The following ABAT variants were observed in gnomAD, a reference collection of about 807,000 sequenced individuals.
ABAT encodes 4-aminobutyrate aminotransferase, also known as 4-aminobutyrate aminotransferase, mitochondrial.
In ABAT, 45 loss-of-function variants were observed where a neutral mutation model predicts 64.6. That is an observed-to-expected ratio of 0.70 (90% CI 0.55 to 0.89). The LOEUF (loss-of-function observed/expected upper bound fraction) is 0.89, where lower values mean the gene tolerates loss of function less well. Among genes scored for constraint, ABAT ranks in the 40% least tolerant of loss-of-function variants. ABAT has a pLI of 0.00. For synonymous variants in ABAT, 297 were observed against 250.5 expected (o/e 1.19, Z -1.75); for missense variants, 633 against 658.4 (o/e 0.96, Z 0.42).
intron 2 of ABAT, among the ~76,000 whole-genome samples, chr16:8,744,653 C>A (rs1396893386): frequency 6.6e-6 from 1 of 152,200 alleles, no homozygotes. Context: ...TAGGTATGAG[C>A]CACGGTGCCC....
chr16:8,706,529 C>A (rs1385864729), intron 1 of ABAT, among the ~76,000 whole-genome samples: 2 of 151,650 alleles, frequency 1.3e-5, no homozygotes, highest in African/African-American at 4.8e-5. Context: ...GCCTGGCCAA[C>A]ATGGTGAAAC....
At chr16:8,699,183 G>A (rs2057766123) in intron 1 of ABAT, among the ~76,000 whole-genome samples, 1 of 152,186 alleles carries the variant, frequency 6.6e-6, no homozygotes, top group African/African-American at 2.4e-5. Flanking sequence ...GGAAGAGATA[G>A]ATGCCACCTC....
chr16:8,717,639 C>T (rs970309329), intron 1 of ABAT, among the ~76,000 whole-genome samples: 8 of 152,162 alleles, frequency 5.3e-5, no homozygotes, highest in Non-Finnish European at 1.2e-4. Context: ...TCAGGCACCT[C>T]TTTCTGTTCC....
chr16:8,700,983 G>C (rs75461974), intron 1 of ABAT, among the ~76,000 whole-genome samples: 4,819 of 150,762 alleles, frequency 0.032, 125 homozygotes, highest in East Asian at 0.11. Flanking sequence ...TGTCACTCAG[G>C]CTGCAGTGCA....
At chr16:8,719,951 A>G (rs2058320998) in intron 1 of ABAT, among the ~76,000 whole-genome samples, 5 of 152,162 alleles carry the variant, frequency 3.3e-5, no homozygotes, top group Admixed American at 6.5e-5. Context: ...AGCTGGAACT[A>G]CAGGCACCTG....
chr16:8,757,262 T>G (rs2142842925), intron 5 of ABAT: 1 of 425,822 alleles, frequency 2.3e-6, no homozygotes, highest in Non-Finnish European at 4.6e-6. Flanking sequence ...CCGCCTCTTG[T>G]GTTCAAGAGA....
intron 2 of ABAT, among the ~76,000 whole-genome samples, chr16:8,743,423 T>TTATATATATATATATATATA (rs1182574273): frequency 0.057 from 2,518 of 44,546 alleles, 88 homozygotes; most frequent in East Asian, 0.11. Flanking sequence ...ATGGAAACAG[T>TTATATATATATATATATATA]TATATATATA....
chr16:8,746,525 C>T (rs1202603400), intron 3 of ABAT, among the ~76,000 whole-genome samples: 1 of 151,708 alleles, frequency 6.6e-6, no homozygotes, highest in Non-Finnish European at 1.5e-5. Flanking sequence ...GGATTTTAGG[C>T]ACGCACCACC....
chr16:8,701,052 C>T (rs2057811329), intron 1 of ABAT, among the ~76,000 whole-genome samples: 1 of 152,124 alleles, frequency 6.6e-6, no homozygotes, highest in Non-Finnish European at 1.5e-5. Context: ...ATTATCTTGC[C>T]TCAGCCTCCC....
chr16:8,753,268 T>C (rs1281355281), intron 5 of ABAT, among the ~76,000 whole-genome samples: 1 of 152,066 alleles, frequency 6.6e-6, no homozygotes, highest in African/African-American at 2.4e-5. Flanking sequence ...TACTTTTTTT[T>C]GTATTTTTAG....
Position 8,774,758 on chromosome 16 carries a change from GC to G in ABAT, c.955-131del, listed in dbSNP as rs1220547596. Reference sequence around the variant, plus strand: ...TTTGTGCACAGCTCAAGAACATGGGGCTGGTTTGCTCTTCAGAAAACAAGCA... The same window carrying G: ...TTTGTGCACAGCTCAAGAACATGGGGTGGTTTGCTCTTCAGAAAACAAGCA... On this transcript the variant is annotated intron_variant, in intron 12 of 15. Transcript: ENST00000268251. 22 of 1,042,880 alleles carry G rather than the reference GC, an allele frequency of 2.1e-5. No homozygotes were observed. The African/African-American group carries it at 2.8e-4, about 13-fold the overall frequency. The allele number at this position is 1,042,880 out of a possible 1,614,324, so 64.6% of individuals were successfully genotyped here.
chr16:8,778,318 C>A (rs2060326314), intron 14 of ABAT, among the ~76,000 whole-genome samples: 1 of 152,150 alleles, frequency 6.6e-6, no homozygotes, highest in African/African-American at 2.4e-5. Flanking sequence ...CTTCTCGAGG[C>A]TCTGGGGGAG....
chr16:8,780,069 C>T (rs1442996999), intron 15 of ABAT, among the ~76,000 whole-genome samples: 1 of 152,050 alleles, frequency 6.6e-6, no homozygotes, highest in Non-Finnish European at 1.5e-5. Context: ...CAGGGATTGG[C>T]TGGGTGAAGA....
At chr16:8,678,501 T>A (rs1031113082) in intron 1 of ABAT, among the ~76,000 whole-genome samples, 1 of 152,232 alleles carries the variant, frequency 6.6e-6, no homozygotes, top group Admixed American at 6.5e-5. Context: ...TCTAAGACCA[T>A]CACCCGCTTC....
chr16:8,715,586 T>C (rs896967310), intron 1 of ABAT: 1 of 137,576 alleles, frequency 7.3e-6, no homozygotes, highest in African/African-American at 2.8e-5. Flanking sequence ...TGAGCCATGA[T>C]CATGCCACTG....
chr16:8,771,464 C>CTTTTTTTTTTTTTTT (rs1207440161), intron 11 of ABAT, among the ~76,000 whole-genome samples: 1 of 108,456 alleles, frequency 9.2e-6, no homozygotes, highest in Admixed American at 1.2e-4. Context: ...TAGGGTTTTT[C>CTTTTTTTTTTTTTTT]TTTCTTTTTT....
intron 3 of ABAT, among the ~76,000 whole-genome samples, chr16:8,747,219 A>T (rs538075383): frequency 6.6e-6 from 1 of 152,294 alleles, no homozygotes; most frequent in South Asian, 2.1e-4. Context: ...GAACATGGCA[A>T]TGTTACATGG....
At chr16:8,738,860 G>C (rs1056521981) in intron 2 of ABAT, among the ~76,000 whole-genome samples, 4 of 152,138 alleles carry the variant, frequency 2.6e-5, no homozygotes, top group African/African-American at 9.7e-5. Context: ...GGCCAGGCTA[G>C]TCTCCAACTC....
chr16:8,742,275 C>G (rs1414710069), intron 2 of ABAT, among the ~76,000 whole-genome samples: 1 of 152,204 alleles, frequency 6.6e-6, no homozygotes, highest in African/African-American at 2.4e-5. Flanking sequence ...CCGCAGCTCC[C>G]CCTGTGTACT....
Sources: allele counts gnomAD v4.1 joint callset (sites outside exome capture counted in the v4.1 genomes callset), GRCh38; gene constraint gnomAD v4.1.1; transcripts MANE v1.5; gene names NCBI Gene and HGNC (gene_info 2026-07-23, HGNC 2026-07-21).